FSIP2: variants seen among roughly 807,000 people sequenced by gnomAD.
FSIP2 encodes the protein fibrous sheath interacting protein 2, also known as fibrous sheath-interacting protein 2.
FSIP2 carries 367 observed loss-of-function variants against 510.5 expected under a neutral mutation model. That is an observed-to-expected ratio of 0.72 (90% CI 0.66 to 0.78). The LOEUF is 0.78. FSIP2 is among the 30% of genes least tolerant of loss of function. The probability of loss-of-function intolerance (pLI) is 0.00; values close to 1 mark genes in which losing one functional copy is unlikely to be tolerated. For synonymous variants in FSIP2, 2,601 were observed against 2,732.2 expected (o/e 0.95, Z 1.50); for missense variants, 7,594 against 7,901.7 (o/e 0.96, Z 1.48).
intron 13 of FSIP2, among the ~76,000 whole-genome samples, chr2:185,779,195 A>G (rs747092888): frequency 4.6e-5 from 7 of 151,962 alleles, no homozygotes; most frequent in South Asian, 2.1e-4. Flanking sequence ...AAATCTTCGG[A>G]AGTTTTCTAC....
In FSIP2 at chr2:185,795,981, A is replaced by G; in HGVS notation, c.8845A>G (p.Lys2949Glu). The G allele has an allele frequency of 1.3e-6, 2 of 1,534,878 alleles. No individual in the cohort carries two copies. The highest frequency in any genetic ancestry group is 1.7e-6 in the Non-Finnish European group (2 of 1,146,076). Residue 2949 changes from lysine to glutamate, a missense_variant, in exon 16 of 23, where the codon AAA (lysine) becomes GAA (glutamate). Physicochemically the swap from Lys to Glu is moderately conservative, Grantham distance 56. Coordinates refer to ENST00000424728, the MANE Select transcript of FSIP2 (RefSeq NM_173651.4). ...PDSEETLSNS[K>E]EHITAKSKYG... ...TAGTGAAGAAACTCTATCAAACAGT[A>G]AAGAACACATTACTGCTAAAAGTAA...
At chr2:185,752,627 C>T (rs928910785) in intron 7 of FSIP2, among the ~76,000 whole-genome samples, 5 of 151,340 alleles carry the variant, frequency 3.3e-5, no homozygotes, top group African/African-American at 9.7e-5. Flanking sequence ...ATTAATACAT[C>T]CATGGTATTG....
chr2:185,770,916 C>A lies in FSIP2; in HGVS notation c.1411+6351C>A, dbSNP rs551225606. 2.0e-5 allele frequency among the ~76,000 whole-genome samples: 3 copies of A among 152,152 alleles called. No individual in the cohort carries two copies. In the East Asian group the frequency reaches 5.8e-4, roughly 29 times the overall value. On this transcript the variant is annotated intron_variant, in intron 13 of 22. Transcript: ENST00000424728. ...ACAGGCATTGGGTAGAATTTCCATTCTAAGAGGGAGAAAACAGTCAAAATA... is the reference window on the plus strand; with the variant it reads ...ACAGGCATTGGGTAGAATTTCCATTATAAGAGGGAGAAAACAGTCAAAATA...
Position 185,789,585 on chromosome 2 carries a change from T to C in FSIP2, c.2449T>C (p.Cys817Arg). The change falls in exon 16 of 23, where the codon TGT (cysteine) becomes CGT (arginine). Residue 817 changes from cysteine to arginine, a missense_variant. Physicochemically the swap from Cys to Arg is radical, Grantham distance 180 (BLOSUM62 -3). Coordinates refer to ENST00000424728, the MANE Select transcript of FSIP2 (RefSeq NM_173651.4). ...NSMPHTLDPMCDIAEDMVHAI... is the reference protein window; with the variant it reads ...NSMPHTLDPMRDIAEDMVHAI... Reference sequence around the variant, plus strand: ...AATGCCTCATACTTTGGACCCAATGTGTGATATTGCAGAGGACATGGTGCA... The same window carrying C: ...AATGCCTCATACTTTGGACCCAATGCGTGATATTGCAGAGGACATGGTGCA... The C allele has an allele frequency of 6.5e-7, 1 of 1,534,968 alleles. No homozygotes were observed.
Position 185,806,572 on chromosome 2 carries a change from A to G in FSIP2, c.17266A>G (p.Lys5756Glu). 5 of 1,604,884 alleles carry G rather than the reference A, an allele frequency of 3.1e-6. No individual in the cohort carries two copies. Among genetic ancestry groups the G allele is most frequent in the Non-Finnish European group, 4.2e-6 (5 of 1,177,186 alleles). The part of the protein sequence containing the change: ...EKEEEEREKE[K>E]VREEIKSEPS... The stretch of plus-strand genomic sequence containing the variant: ...AGAAGAGGAAGAGAGAGAAAAAGAG[A>G]AAGTAAGAGAGGAGATTAAAAGTGA... The change falls in exon 17 of 23, where the codon AAA (lysine) becomes GAA (glutamate). Residue 5756 changes from lysine (K) to glutamate (E), a missense_variant. Transcript: ENST00000424728.
chr2:185,816,788 C>T (rs888821373), intron 19 of FSIP2, among the ~76,000 whole-genome samples: 3 of 151,220 alleles, frequency 2.0e-5, no homozygotes, highest in African/African-American at 4.9e-5. Context: ...CTCAGGAGTT[C>T]AAAGTTACAG....
At chr2:185,816,855 C>CAG (rs58545522) in intron 19 of FSIP2, among the ~76,000 whole-genome samples, 2,442 of 140,252 alleles carry the variant, frequency 0.017, 63 homozygotes, top group African/African-American at 0.057. Flanking sequence ...AACTCTGAGA[C>CAG]AGAGAGAGAG....
At chr2:185,765,042 T>G (rs1203019327) in intron 13 of FSIP2, 1 of 152,158 alleles carries the variant, frequency 6.6e-6, no homozygotes, top group African/African-American at 2.4e-5. Context: ...TATTAAGGTA[T>G]AGTGGATAAT....
At chr2:185,830,685 C>G (rs1348183275) in intron 21 of FSIP2, among the ~76,000 whole-genome samples, 1 of 151,730 alleles carries the variant, frequency 6.6e-6, no homozygotes. Flanking sequence ...GGTATACATG[C>G]AACCATCCAT....
Position 185,804,044 on chromosome 2 carries a change from C to G in FSIP2, c.14738C>G (p.Ser4913Cys). 3 of 1,511,056 alleles carry G rather than the reference C, an allele frequency of 2.0e-6. No individual in the cohort carries two copies. The South Asian group carries it at 3.7e-5, about 19-fold the overall frequency. The allele number at this position is 1,511,056 out of a possible 1,614,324, so 93.6% of individuals were successfully genotyped here. A position where few individuals can be genotyped will look rare whatever the true frequency, so the allele number is the denominator to read the frequency against. ...IFNHHIQSFL[S>C]EDKTLLLAAV... Reference sequence around the variant, plus strand: ...AACCATCATATTCAATCATTTTTATCTGAAGATAAAACTCTCCTTTTGGCA... The same window carrying G: ...AACCATCATATTCAATCATTTTTATGTGAAGATAAAACTCTCCTTTTGGCA... The change falls in exon 17 of 23, where the codon TCT (serine) becomes TGT (cysteine). Residue 4913 changes from serine to cysteine, a missense_variant. Transcript: ENST00000424728.
In FSIP2 at chr2:185,805,616, A is replaced by G; in HGVS notation, c.16310A>G (p.Asn5437Ser). 1 of 1,609,288 alleles carries G rather than the reference A, an allele frequency of 6.2e-7. No homozygotes were observed. Among genetic ancestry groups the G allele is most frequent in the Non-Finnish European group, 8.5e-7 (1 of 1,178,024 alleles). The change falls in exon 17 of 23, where the codon AAC becomes AGC. Residue 5437 changes from asparagine (N) to serine (S), a missense_variant. Transcript: ENST00000424728. The stretch of plus-strand genomic sequence containing the variant: ...CAAATAAGCAGATGTGCAAAAGAGA[A>G]CCAACTTTCTTTACCAGATCAATCA... ...FTQISRCAKE[N>S]QLSLPDQSYK... is the part of the protein sequence containing the mutation.
At chr2:185,756,669 A>G (rs942549360) in intron 9 of FSIP2, among the ~76,000 whole-genome samples, 2 of 151,482 alleles carry the variant, frequency 1.3e-5, no homozygotes, top group Admixed American at 1.3e-4. Flanking sequence ...ATGTAACATC[A>G]CTTTATTATC....
At chr2:185,774,356 C>T (rs1332670066) in intron 13 of FSIP2, among the ~76,000 whole-genome samples, 1 of 152,102 alleles carries the variant, frequency 6.6e-6, no homozygotes, top group African/African-American at 2.4e-5. Flanking sequence ...TTAGTTAAAC[C>T]ACCATAGTAT....
intron 13 of FSIP2, among the ~76,000 whole-genome samples, chr2:185,769,175 G>A (rs773764028): frequency 6.6e-5 from 10 of 152,086 alleles, no homozygotes; most frequent in Non-Finnish European, 1.3e-4. Context: ...AGGGTCAAAT[G>A]GTAGTTCTGT....
chr2:185,806,279 G>C lies in FSIP2; in HGVS notation c.16973G>C (p.Arg5658Thr), dbSNP rs771393958. The C allele has an allele frequency of 1.2e-6, 2 of 1,609,572 alleles. No homozygotes were observed. The highest frequency in any genetic ancestry group is 2.2e-5 in the East Asian group (1 of 44,654). Residue 5658 changes from arginine (R) to threonine (T), a missense_variant, in exon 17 of 23, where the codon AGA becomes ACA. By Grantham distance (71) the Arg-to-Thr change is moderately conservative (BLOSUM62 -1). Coordinates refer to ENST00000424728, the MANE Select transcript of FSIP2 (RefSeq NM_173651.4). ...CGAACATCAAGCAATGAGGGGAGAA[G>C]AGACTCTCCAACACAAACGTGTAGG... Reference protein sequence around the residue: ...RIRTSSNEGRRDSPTQTCRDE... With the variant: ...RIRTSSNEGRTDSPTQTCRDE...
intron 1 of FSIP2, 160 bp from the exon 2 acceptor site, chr2:185,739,186 A>T: frequency 8.9e-7 from 1 of 1,123,254 alleles, no homozygotes; most frequent in Non-Finnish European, 1.2e-6. Flanking sequence ...GCGGGACGCC[A>T]GGAGAGCTGG....
rs558012641 is a variant in FSIP2, at chr2:185,800,053, G to A, written c.10747G>A (p.Val3583Ile). The change falls in exon 17 of 23, where the codon GTT becomes ATT. Residue 3583 changes from valine (V) to isoleucine (I), a missense_variant. Coordinates refer to ENST00000424728, the MANE Select transcript of FSIP2 (RefSeq NM_173651.4). ...ACAGGCTGACATTGCACAGAAAATG[G>A]TTGCCATACCTACAAAATACACTTA... ...IIQADIAQKM[V>I]AIPTKYTYCP... is the part of the protein sequence containing the mutation. 3.4e-5 allele frequency: 52 copies of A among 1,530,192 alleles called. No homozygotes were observed. Among genetic ancestry groups the A allele is most frequent in the Non-Finnish European group, 4.5e-5 (51 of 1,142,948 alleles). The allele number at this position is 1,530,192 out of a possible 1,614,324, so 94.8% of individuals were successfully genotyped here. A position where few individuals can be genotyped will look rare whatever the true frequency, so the allele number is the denominator to read the frequency against.
chr2:185,816,577 T>C (rs1477521358), intron 19 of FSIP2, among the ~76,000 whole-genome samples: 1 of 151,654 alleles, frequency 6.6e-6, no homozygotes, highest in Non-Finnish European at 1.5e-5. Flanking sequence ...ATGGCTCACG[T>C]CTGTAATCCC....
At chr2:185,754,457 G>A (rs1252417382) in intron 8 of FSIP2, among the ~76,000 whole-genome samples, 1 of 151,432 alleles carries the variant, frequency 6.6e-6, no homozygotes, top group Non-Finnish European at 1.5e-5. Context: ...TGCAGCTATT[G>A]TCATAGTATC....
Sources: gnomAD v4.1 joint callset for allele counts (sites outside exome capture counted in the v4.1 genomes callset) on GRCh38, gnomAD v4.1.1 for gene constraint, MANE v1.5 for transcripts, NCBI Gene and HGNC (gene_info 2026-07-23, HGNC 2026-07-21) for gene names.